DNAH8: variants seen among roughly 807,000 people sequenced by gnomAD.
DNAH8 encodes dynein axonemal heavy chain 8.
In DNAH8, 382 loss-of-function variants were observed where a neutral mutation model predicts 562.1. The ratio of observed to expected loss-of-function variants is 0.68; its 90% CI spans 0.63 to 0.74. The LOEUF is 0.74. Among genes scored for constraint, DNAH8 ranks in the 30% least tolerant of loss-of-function variants. DNAH8 has a pLI of 0.00. For synonymous variants in DNAH8, 1,881 were observed against 1,919.4 expected, an observed-to-expected ratio of 0.98 and a Z score of 0.52; for missense variants, 5,203 against 5,620.4, an observed-to-expected ratio of 0.93 and a Z score of 2.37.
Position 38,892,872 on chromosome 6 carries a change from G to A in DNAH8, c.8584-1829G>A, listed in dbSNP as rs562865106. On this transcript the variant is annotated intron_variant, in intron 58 of 92. Transcript: ENST00000327475. Reference sequence around the variant, plus strand: ...TCCTTGAGTACCCCAGGTTTATTGCGTTGCTGGGCCACCATACGTTGGCTC... The same window carrying A: ...TCCTTGAGTACCCCAGGTTTATTGCATTGCTGGGCCACCATACGTTGGCTC... Among the ~76,000 whole-genome samples, 44 of 152,164 alleles carry A rather than the reference G, an allele frequency of 2.9e-4. No homozygotes were observed. In the South Asian group the frequency reaches 5.8e-3, roughly 20 times the overall value.
intron 61 of DNAH8, among the ~76,000 whole-genome samples, chr6:38,899,443 A>G (rs1242746028): frequency 6.6e-6 from 1 of 152,240 alleles, no homozygotes; most frequent in Non-Finnish European, 1.5e-5. Context: ...GCAGATTGGG[A>G]AGAGCAGCTC....
At chr6:38,856,682 T>A (rs1254605818) in intron 41 of DNAH8, among the ~76,000 whole-genome samples, 3 of 152,162 alleles carry the variant, frequency 2.0e-5, no homozygotes, top group Non-Finnish European at 2.9e-5. Flanking sequence ...GCAGGAAAAG[T>A]ATCAAAGTCC....
At chr6:38,951,032 A>T (rs897763995) in intron 81 of DNAH8, among the ~76,000 whole-genome samples, 7 of 152,126 alleles carry the variant, frequency 4.6e-5, no homozygotes, top group Non-Finnish European at 8.8e-5. Context: ...GGAGCTTCAG[A>T]GTGTGTGGCA....
At chr6:38,871,820 G>C (rs142034440) in intron 49 of DNAH8, among the ~76,000 whole-genome samples, 62 of 152,266 alleles carry the variant, frequency 4.1e-4, no homozygotes, top group Middle Eastern at 3.4e-3. Context: ...CTGCACGGGA[G>C]TTTATTTCCC....
chr6:38,940,291 T>C (rs1026195344), intron 79 of DNAH8, among the ~76,000 whole-genome samples: 1 of 152,118 alleles, frequency 6.6e-6, no homozygotes, highest in Non-Finnish European at 1.5e-5. Flanking sequence ...GCAAAACCGA[T>C]GCATACAAGA....
At chr6:38,778,309 G>A (rs1768257017) in intron 13 of DNAH8, 79 bp from the exon 14 acceptor site, 1 of 726,660 alleles carries the variant, frequency 1.4e-6, no homozygotes, top group Non-Finnish European at 2.3e-6. Flanking sequence ...TAATTCTGTA[G>A]GAAAAGCATT....
At chr6:38,925,862 ATTTG>A (rs930591736) in intron 73 of DNAH8, among the ~76,000 whole-genome samples, 189 bp from the exon 74 acceptor site, 1 of 151,942 alleles carries the variant, frequency 6.6e-6, no homozygotes, top group African/African-American at 2.4e-5. Flanking sequence ...TAGATAATAA[ATTTG>A]TTTTTTTTTA....
At chr6:39,002,547 T>A (rs1018739251) in intron 88 of DNAH8, among the ~76,000 whole-genome samples, 3 of 152,226 alleles carry the variant, frequency 2.0e-5, no homozygotes, top group African/African-American at 7.2e-5. Context: ...GCCTTTTGTG[T>A]CATTTTACTA....
At chr6:38,915,438 A>G (rs948525133) in intron 68 of DNAH8, 61 bp downstream of exon 68, 1 of 1,313,354 alleles carries the variant, frequency 7.6e-7, no homozygotes, top group Non-Finnish European at 9.9e-7. Context: ...GTTTCATTAC[A>G]TGAAATTAAC....
chr6:38,917,543 C>A (rs1419786794), intron 69 of DNAH8, 137 bp downstream of exon 69: 2 of 734,074 alleles, frequency 2.7e-6, no homozygotes, highest in Non-Finnish European at 4.4e-6. Flanking sequence ...AACTCCATCA[C>A]CTAAAATGTA....
chr6:39,003,322 C>G (rs749103009), intron 88 of DNAH8, among the ~76,000 whole-genome samples: 2 of 152,178 alleles, frequency 1.3e-5, no homozygotes, highest in Non-Finnish European at 2.9e-5. Flanking sequence ...CTCAGTGAAC[C>G]TGAAATATTT....
chr6:38,796,433 T>C (rs905472820), intron 21 of DNAH8, among the ~76,000 whole-genome samples: 1 of 152,074 alleles, frequency 6.6e-6, no homozygotes, highest in African/African-American at 2.4e-5. Context: ...TTGGGTCCTT[T>C]TAAGGGAGGA....
rs1190648345 is a variant in DNAH8, at chr6:38,812,164, T to A, written c.3258-1890T>A. ...CTCATTGAGTCCTGTCCATCCTCTA[T>A]ATTCCACCAGAGCCAACCTCCCCAC... On this transcript the variant is annotated intron_variant, in intron 24 of 92. Coordinates refer to ENST00000327475, the MANE Select transcript of DNAH8 (RefSeq NM_001206927.2). 2.6e-5 allele frequency among the ~76,000 whole-genome samples: 4 copies of A among 152,126 alleles called. No individual in the cohort carries two copies. The East Asian group carries it at 7.7e-4, about 29-fold the overall frequency.
intron 57 of DNAH8, among the ~76,000 whole-genome samples, chr6:38,888,375 G>GA (rs967493920): frequency 2.0e-5 from 3 of 151,064 alleles, no homozygotes; most frequent in African/African-American, 4.9e-5. Flanking sequence ...CAAAAATAAA[G>GA]AAAAAAAATA....
intron 21 of DNAH8, among the ~76,000 whole-genome samples, chr6:38,792,818 A>G (rs1161277348): frequency 1.3e-5 from 2 of 152,094 alleles, no homozygotes; most frequent in Non-Finnish European, 2.9e-5. Flanking sequence ...TTGCTCTGTC[A>G]CTCAGGTTGT....
Position 38,815,558 on chromosome 6 carries a change from G to A in DNAH8, c.3424G>A (p.Gly1142Arg), listed in dbSNP as rs755433676. The change falls in exon 26 of 93, where the codon GGG becomes AGG. Residue 1142 changes from glycine to arginine, a missense_variant. By Grantham distance (125) the Gly-to-Arg change is moderately radical (BLOSUM62 -2). Coordinates refer to ENST00000327475, the MANE Select transcript of DNAH8 (RefSeq NM_001206927.2). ...GGTCAGCAGAGGAGTGGCTCACTGG[G>A]GGCAACAGCAAATCCGTCCCATCAA... is the stretch of plus-strand genomic sequence containing the variant. ...LEVSRGVAHW[G>R]QQQIRPIKSV... The A allele has an allele frequency of 6.8e-6, 11 of 1,613,970 alleles. No individual in the cohort carries two copies. The highest frequency in any genetic ancestry group is 1.7e-4 in the Middle Eastern group (1 of 6,060).
intron 91 of DNAH8, among the ~76,000 whole-genome samples, chr6:39,017,780 T>C (rs1766657848): frequency 6.6e-6 from 1 of 152,266 alleles, no homozygotes; most frequent in Admixed American, 6.5e-5. Flanking sequence ...ATTTTTGTTC[T>C]GTTATCTTGC....
At chr6:38,804,020 A>G (rs183863023) in intron 22 of DNAH8, among the ~76,000 whole-genome samples, 42 of 152,342 alleles carry the variant, frequency 2.8e-4, no homozygotes, top group Non-Finnish European at 5.1e-4. Flanking sequence ...GACTGGGACT[A>G]AGAGAAACTT....
chr6:39,009,001 A>G, intron 89 of DNAH8, 31 bp downstream of exon 89: 2 of 1,516,428 alleles, frequency 1.3e-6, no homozygotes, highest in Non-Finnish European at 9.1e-7. Context: ...ACTGGCATAC[A>G]GGGCTATTTG....
Sources: allele counts gnomAD v4.1 joint callset (sites outside exome capture counted in the v4.1 genomes callset), GRCh38; gene constraint gnomAD v4.1.1; transcripts MANE v1.5; gene names NCBI Gene and HGNC (gene_info 2026-07-23, HGNC 2026-07-21).